Variants in CHFR observed in about 807,000 individuals in gnomAD.
CHFR encodes the protein checkpoint with forkhead and ring finger domains, also known as E3 ubiquitin-protein ligase CHFR.
Under a neutral mutation model 87.6 loss-of-function variants are expected in CHFR, and 57 were observed. That is an observed-to-expected ratio of 0.65 (90% CI 0.53 to 0.81). The LOEUF is 0.81. CHFR is among the 30% of genes least tolerant of loss of function. CHFR has a pLI of 0.00. For synonymous variants in CHFR, 381 were observed against 359.2 expected (o/e 1.06, Z -0.69); for missense variants, 797 against 865.8 (o/e 0.92, Z 1.00).
intron 14 of CHFR, 199 bp from the exon 15 acceptor site, chr12:132,847,329 C>T: frequency 2.2e-6 from 3 of 1,339,230 alleles, no homozygotes; most frequent in Non-Finnish European, 2.9e-6. Flanking sequence ...TCCTGGAAGT[C>T]CCAAAAGGTT....
At chr12:132,881,041 C>T (rs541929266) in intron 2 of CHFR, among the ~76,000 whole-genome samples, 1 of 151,986 alleles carries the variant, frequency 6.6e-6, no homozygotes, top group Non-Finnish European at 1.5e-5. Context: ...CCAAGGCGGG[C>T]GGATCACTTC....
At chr12:132,861,343 A>G (rs1415847719) in intron 7 of CHFR, 124 bp downstream of exon 7, 1 of 961,314 alleles carries the variant, frequency 1.0e-6, no homozygotes, top group Non-Finnish European at 1.6e-6. Flanking sequence ...ACAGGCATCA[A>G]CCTGAGGCAG....
chr12:132,856,408 T>G, intron 10 of CHFR, 60 bp downstream of exon 10: 1 of 1,583,458 alleles, frequency 6.3e-7, no homozygotes, highest in South Asian at 1.1e-5. Context: ...GAGCTCTCGG[T>G]CACGGTTGTG....
intron 2 of CHFR, among the ~76,000 whole-genome samples, chr12:132,882,343 G>C (rs761056185): frequency 1.8e-4 from 27 of 152,174 alleles, no homozygotes; most frequent in Non-Finnish European, 3.2e-4. Flanking sequence ...AAAGAAACCA[G>C]ATCAGTGGCT....
At chr12:132,870,503 GCTGAGCAACAAGA>G (rs1195005856) in intron 5 of CHFR, among the ~76,000 whole-genome samples, 3 of 144,990 alleles carry the variant, frequency 2.1e-5, no homozygotes, top group Non-Finnish European at 3.0e-5. Flanking sequence ...TGCACTCCAG[GCTGAGCAACAAGA>G]GCAAAACTCC....
intron 12 of CHFR, among the ~76,000 whole-genome samples, chr12:132,850,951 CTGTA>C (rs1477706763): frequency 2.2e-5 from 3 of 137,916 alleles, no homozygotes; most frequent in Non-Finnish European, 3.1e-5. Flanking sequence ...TTAATAATAA[CTGTA>C]TGTGTGTGCA....
chr12:132,835,953 C>T lies in CHFR; in HGVS notation c.*5601G>A, dbSNP rs1950643396. 1.5e-5 allele frequency: 2 copies of T among 130,016 alleles called. No homozygotes were observed. The highest frequency in any genetic ancestry group is 1.4e-4 in the Admixed American group (1 of 6,898). 8.1% of individuals were successfully genotyped at this position (130,016 alleles called of 1,614,324 possible). ...AGTGACAGGCTCCCAGCACGGCGCA[C>T]GGCACTCACAGTGACAGGCTCCCAG... On this transcript the variant is annotated 3_prime_UTR_variant, in exon 18 of 18. Coordinates refer to ENST00000450056, the MANE Select transcript of CHFR (RefSeq NM_001161346.2).
chr12:132,837,793 GCCC>G lies in CHFR; in HGVS notation c.*3758_*3760del, dbSNP rs1950659546. 6.6e-6 allele frequency: 1 copy of G among 152,362 alleles called. No homozygotes were observed. The highest frequency in any genetic ancestry group is 1.5e-5 in the Non-Finnish European group (1 of 68,142). The allele number at this position is 152,362 out of a possible 1,614,324, so 9.4% of individuals were successfully genotyped here. A position where few individuals can be genotyped will look rare whatever the true frequency, so the allele number is the denominator to read the frequency against. ...CCGGCTTCTCTACACGGCTGCAGCCGCCCTCAGAAGGCGCAGGAGCTAGCGTGC... is the reference window on the plus strand; with the variant it reads ...CCGGCTTCTCTACACGGCTGCAGCCGTCAGAAGGCGCAGGAGCTAGCGTGC... On this transcript the variant is annotated 3_prime_UTR_variant, in exon 18 of 18. Transcript: ENST00000450056.
chr12:132,887,240 T>A lies in CHFR; in HGVS notation c.89A>T (p.His30Leu). 6.6e-7 allele frequency: 1 copy of A among 1,503,936 alleles called. No individual in the cohort carries two copies. The allele number at this position is 1,503,936 out of a possible 1,614,324, so 93.2% of individuals were successfully genotyped here. ...LRLGAEEGEP[H>L]VLLRKREWTI... ...CCACTCCCGCTTCCTCAGGAGGACG[T>A]GCGGCTCGCCCTCCTCCGCGCCCAG... Residue 30 changes from histidine to leucine, a missense_variant, in exon 2 of 18, where the codon CAC (histidine) becomes CTC (leucine). Around this residue, in one of 2 missense-constraint regions of CHFR, gnomAD observed 597 missense variants for 601.2 expected, o/e 0.99. Transcript: ENST00000450056.
intron 8 of CHFR, among the ~76,000 whole-genome samples, chr12:132,858,633 T>G (rs537885478): frequency 1.8e-4 from 24 of 133,092 alleles, no homozygotes; most frequent in Non-Finnish European, 3.2e-4. Context: ...GAAGCTGAGG[T>G]AGGAGAATCG....
chr12:132,854,138 A>AG (rs1272112919), intron 10 of CHFR: 2 of 152,374 alleles, frequency 1.3e-5, no homozygotes, highest in Non-Finnish European at 2.9e-5. Context: ...CACCAAGGCC[A>AG]GGGGCCAATA....
chr12:132,880,427 G>T (rs374679777), intron 2 of CHFR, among the ~76,000 whole-genome samples: 6 of 151,780 alleles, frequency 4.0e-5, no homozygotes, highest in Non-Finnish European at 8.8e-5. Context: ...GAGGCCAAGG[G>T]GGGGGCGGAT....
intron 2 of CHFR, among the ~76,000 whole-genome samples, chr12:132,880,355 T>C (rs1951738354): frequency 6.6e-6 from 1 of 151,574 alleles, no homozygotes; most frequent in African/African-American, 2.4e-5. Context: ...TAAGCTGAGG[T>C]TTGTCAAAAG....
At chr12:132,864,338 C>G (rs536797142) in intron 6 of CHFR, among the ~76,000 whole-genome samples, 41 of 152,340 alleles carry the variant, frequency 2.7e-4, no homozygotes, top group African/African-American at 8.7e-4. Context: ...CCGTGCTCAG[C>G]CAACGTGGAG....
intron 3 of CHFR, 41 bp downstream of exon 3, chr12:132,877,514 C>T: frequency 1.4e-6 from 2 of 1,385,668 alleles, no homozygotes; most frequent in Non-Finnish European, 2.0e-6. Flanking sequence ...GCTTCTTAAG[C>T]TACAAGAAGA....
At chr12:132,855,735 T>A (rs527495567) in intron 10 of CHFR, among the ~76,000 whole-genome samples, 6 of 152,298 alleles carry the variant, frequency 3.9e-5, no homozygotes, top group African/African-American at 1.2e-4. Context: ...GACACACGTA[T>A]GAATGGCTGG....
intron 15 of CHFR, among the ~76,000 whole-genome samples, chr12:132,844,359 A>G (rs1294945797): frequency 1.3e-5 from 2 of 152,148 alleles, no homozygotes; most frequent in South Asian, 4.1e-4. Flanking sequence ...ATCTCGGCTC[A>G]CTGCAAGCTC....
Position 132,851,703 on chromosome 12 carries a change from G to T in CHFR, c.1407C>A (p.Ser469Arg). ...VQDYVCPLQG[S>R]HALCTCCFQP... ...GGAAGCAGCAGGTGCACAGGGCGTG[G>T]CTTCCTTGCAGAGGGCACACGTAAT... is the stretch of plus-strand genomic sequence containing the variant. The change falls in exon 12 of 18, where the codon AGC (serine) becomes AGA (arginine). Residue 469 changes from serine (S) to arginine (R), a missense_variant. Physicochemically the swap from Ser to Arg is moderately radical, Grantham distance 110. Coordinates refer to ENST00000450056, the MANE Select transcript of CHFR (RefSeq NM_001161346.2). 6.2e-7 allele frequency: 1 copy of T among 1,613,444 alleles called. No individual in the cohort carries two copies. Among genetic ancestry groups the T allele is most frequent in the Non-Finnish European group, 8.5e-7 (1 of 1,179,936 alleles).
intron 8 of CHFR, among the ~76,000 whole-genome samples, chr12:132,858,725 T>TAAAAAAAAAAAAAA (rs60137048): frequency 3.7e-5 from 1 of 26,788 alleles, no homozygotes; most frequent in African/African-American, 1.9e-4. Context: ...AGACTCCATC[T>TAAAAAAAAAAAAAA]AAAAAAAAAA....
Sources: allele counts gnomAD v4.1 joint callset (sites outside exome capture counted in the v4.1 genomes callset), GRCh38; gene constraint gnomAD v4.1.1; regional missense constraint gnomAD v4.1.1; transcripts MANE v1.5; gene names NCBI Gene and HGNC (gene_info 2026-07-23, HGNC 2026-07-21).